Variants in KIAA1958 observed in about 807,000 individuals in gnomAD.
The protein encoded by KIAA1958 is uncharacterized protein KIAA1958.
KIAA1958 carries 14 observed loss-of-function variants against 47.2 expected under a neutral mutation model. The observed-to-expected ratio is 0.30, with a 90% CI of 0.20 to 0.46. The LOEUF is 0.46. Ranked by LOEUF, KIAA1958 falls within the 20% of genes least tolerant of loss-of-function variation. The probability of loss-of-function intolerance (pLI) is 1.00; values close to 1 mark genes in which losing one functional copy is unlikely to be tolerated. For synonymous variants in KIAA1958, 354 were observed against 353.3 expected (o/e 1.00, Z -0.02); for missense variants, 803 against 909.2 (o/e 0.88, Z 1.50).
In KIAA1958 at chr9:112,645,713, G is replaced by T; in HGVS notation, c.1235G>T (p.Cys412Phe). ...FNINDDLNDL[C>F]TSAVSPNTTK... ...ATTAATGATGACTTGAATGATCTGTGTACCAGTGCAGTAAGCCCAAATACT... is the reference window on the plus strand; with the variant it reads ...ATTAATGATGACTTGAATGATCTGTTTACCAGTGCAGTAAGCCCAAATACT... The change falls in exon 3 of 4, where the codon TGT (cysteine) becomes TTT (phenylalanine). Residue 412 changes from cysteine (C) to phenylalanine (F), a missense_variant. By Grantham distance (205) the Cys-to-Phe change is radical. Transcript: ENST00000337530. The T allele has an allele frequency of 6.2e-7, 1 of 1,613,720 alleles. No individual in the cohort carries two copies. Among genetic ancestry groups the T allele is most frequent in the South Asian group, 1.1e-5 (1 of 91,056 alleles).
In KIAA1958 at chr9:112,664,114, G is replaced by C. The variant is rs1179685246; in HGVS notation, c.*4045G>C. 6.6e-6 allele frequency: 1 copy of C among 152,240 alleles called. No homozygotes were observed. The highest frequency in any genetic ancestry group is 1.5e-5 in the Non-Finnish European group (1 of 68,046). 9.4% of individuals were successfully genotyped at this position (152,240 alleles called of 1,614,324 possible). On this transcript the variant is annotated 3_prime_UTR_variant, in exon 4 of 4. Transcript: ENST00000337530. ...AATTCCTCAAGTTCATATTAATTAG[G>C]AAGTGGCAGAGCTAGGACACAAAAT...
At chr9:112,610,878 A>G (rs961245902) in intron 2 of KIAA1958, among the ~76,000 whole-genome samples, 1 of 152,246 alleles carries the variant, frequency 6.6e-6, no homozygotes, top group Non-Finnish European at 1.5e-5. Flanking sequence ...TCAACAGAGC[A>G]TTAAAGGAAT....
At chr9:112,597,691 A>C (rs1836056612) in intron 2 of KIAA1958, among the ~76,000 whole-genome samples, 1 of 152,232 alleles carries the variant, frequency 6.6e-6, no homozygotes. Flanking sequence ...ACACGTACAG[A>C]CATGCTTAAA....
chr9:112,602,573 C>A (rs1391665939), intron 2 of KIAA1958, among the ~76,000 whole-genome samples: 2 of 152,128 alleles, frequency 1.3e-5, no homozygotes. Context: ...GGGTTATGTT[C>A]ATTCTGGTAT....
At chr9:112,645,519 T>C in intron 2 of KIAA1958, 131 bp from the exon 3 acceptor site, 3 of 615,248 alleles carry the variant, frequency 4.9e-6, no homozygotes, top group Non-Finnish European at 8.5e-6. Context: ...GATATACATA[T>C]ACTTTAATAG....
intron 3 of KIAA1958, among the ~76,000 whole-genome samples, chr9:112,657,265 G>A (rs1837166777): frequency 1.3e-5 from 2 of 151,696 alleles, no homozygotes; most frequent in Non-Finnish European, 2.9e-5. Context: ...GCTAATTTTT[G>A]TATTTTTTTA....
intron 1 of KIAA1958, among the ~76,000 whole-genome samples, chr9:112,550,330 T>C (rs1316942981): frequency 1.3e-5 from 2 of 152,216 alleles, no homozygotes; most frequent in African/African-American, 4.8e-5. Context: ...GGATCACTGA[T>C]GAATCTATGT....
chr9:112,610,124 C>G (rs912407140), intron 2 of KIAA1958, among the ~76,000 whole-genome samples: 11 of 151,486 alleles, frequency 7.3e-5, no homozygotes, highest in African/African-American at 2.7e-4. Context: ...TTTTTTGATT[C>G]AAAAGTTTTT....
At chr9:112,560,553 G>A (rs1373666298) in intron 1 of KIAA1958, among the ~76,000 whole-genome samples, 2 of 152,038 alleles carry the variant, frequency 1.3e-5, no homozygotes, top group East Asian at 1.9e-4. Context: ...TGTTTTCCAC[G>A]ACCGTAGAAA....
intron 1 of KIAA1958, among the ~76,000 whole-genome samples, chr9:112,552,166 T>G (rs1835162268): frequency 6.6e-6 from 1 of 152,224 alleles, no homozygotes; most frequent in South Asian, 2.1e-4. Flanking sequence ...TAGTTTTATT[T>G]GTGAGAGTAT....
chr9:112,651,309 CAT>C (rs1837051169), intron 3 of KIAA1958, among the ~76,000 whole-genome samples: 1 of 151,360 alleles, frequency 6.6e-6, no homozygotes. Context: ...GGGTTAAAAT[CAT>C]ATAGAATATG....
intron 1 of KIAA1958, among the ~76,000 whole-genome samples, chr9:112,520,272 C>T (rs188029290): frequency 1.3e-5 from 2 of 152,352 alleles, no homozygotes; most frequent in Admixed American, 1.3e-4. Flanking sequence ...AGTAGAAGCA[C>T]TACCTTCAGT....
chr9:112,645,793 G>A lies in KIAA1958; in HGVS notation c.1315G>A (p.Gly439Arg), dbSNP rs1199005622. Residue 439 changes from glycine (G) to arginine (R), a missense_variant, in exon 3 of 4, where the codon GGG (glycine) becomes AGG (arginine). Around this residue, in one of 2 missense-constraint regions of KIAA1958, gnomAD observed 761 missense variants for 829.3 expected, o/e 0.92. Coordinates refer to ENST00000337530, the MANE Select transcript of KIAA1958 (RefSeq NM_133465.4). Reference sequence around the variant, plus strand: ...GTGGCGTTATTGGTGCATGACCAACGGGCTCAAAGACCACACAGACATCAC... The same window carrying A: ...GTGGCGTTATTGGTGCATGACCAACAGGCTCAAAGACCACACAGACATCAC... ...NVWRYWCMTN[G>R]LKDHTDITKI... 7 of 1,613,612 alleles carry A rather than the reference G, an allele frequency of 4.3e-6. No homozygotes were observed. Among genetic ancestry groups the A allele is most frequent in the East Asian group, 2.2e-5 (1 of 44,866 alleles).
At chr9:112,519,096 A>G (rs1028027068) in intron 1 of KIAA1958, among the ~76,000 whole-genome samples, 8 of 151,928 alleles carry the variant, frequency 5.3e-5, no homozygotes, top group Admixed American at 5.2e-4. Flanking sequence ...TGCCTAGCTA[A>G]TTTTTAAATT....
At chr9:112,527,034 A>T (rs1014657825) in intron 1 of KIAA1958, among the ~76,000 whole-genome samples, 2 of 152,188 alleles carry the variant, frequency 1.3e-5, no homozygotes, top group Non-Finnish European at 2.9e-5. Context: ...TCGAGTAGAT[A>T]ATATTGTTTG....
intron 1 of KIAA1958, among the ~76,000 whole-genome samples, chr9:112,562,766 T>C (rs1050090898): frequency 2.0e-5 from 3 of 152,138 alleles, no homozygotes; most frequent in Non-Finnish European, 4.4e-5. Context: ...TCAAAATTGA[T>C]TGTATGTCTT....
At chr9:112,638,427 A>G (rs1225472031) in intron 2 of KIAA1958, among the ~76,000 whole-genome samples, 4 of 152,100 alleles carry the variant, frequency 2.6e-5, no homozygotes, top group African/African-American at 9.7e-5. Context: ...TCTTGAACCC[A>G]GGAGCACGAG....
chr9:112,628,056 T>A (rs1227942375), intron 2 of KIAA1958, among the ~76,000 whole-genome samples: 2 of 152,194 alleles, frequency 1.3e-5, no homozygotes, highest in Admixed American at 6.5e-5. Context: ...ATACTTTTAT[T>A]TATACTCTTA....
intron 1 of KIAA1958, among the ~76,000 whole-genome samples, chr9:112,493,165 CT>C (rs55780025): frequency 0.95 from 142,514 of 149,432 alleles, 68,004 homozygotes; most frequent in African/African-American, 0.98. Flanking sequence ...TCTTTTAGTG[CT>C]TTTTTTTTTT....
Sources: allele counts gnomAD v4.1 joint callset (sites outside exome capture counted in the v4.1 genomes callset), GRCh38; gene constraint gnomAD v4.1.1; regional missense constraint gnomAD v4.1.1; transcripts MANE v1.5; gene names NCBI Gene and HGNC (gene_info 2026-07-23, HGNC 2026-07-21).